Variants in DNM3 observed in about 807,000 individuals in gnomAD.
DNM3 encodes dynamin-3.
Under a neutral mutation model 101.6 loss-of-function variants are expected in DNM3, and 47 were observed. That is an observed-to-expected ratio of 0.46 (90% CI 0.37 to 0.59). DNM3 has a LOEUF of 0.59. DNM3 is among the 20% of genes least tolerant of loss of function. The pLI is 0.00. For synonymous variants in DNM3, 385 were observed against 387.9 expected (o/e 0.99, Z 0.09); for missense variants, 849 against 1,085.7 (o/e 0.78, Z 3.06).
intron 17 of DNM3, among the ~76,000 whole-genome samples, chr1:172,334,161 A>G (rs2066315645): frequency 6.6e-6 from 1 of 152,240 alleles, no homozygotes; most frequent in Non-Finnish European, 1.5e-5. Context: ...TAATGCAGTT[A>G]CTTCCCAACA....
rs564770819 is a variant in DNM3 at position 172,371,522 on chromosome 1, A to G, written c.1894-7496A>G. On this transcript the variant is annotated intron_variant, in intron 17 of 20. Coordinates refer to ENST00000627582, the MANE Select transcript of DNM3 (RefSeq NM_015569.5). ...TGGTTCACTTTTTTTGAGCACTACT[A>G]TATGTCTGACACTGTGGTAAGTGCC... is the stretch of plus-strand genomic sequence containing the variant. Among the ~76,000 whole-genome samples, 20 of 152,108 alleles carry G rather than the reference A, an allele frequency of 1.3e-4. No individual in the cohort carries two copies. In the East Asian group the frequency reaches 3.5e-3, roughly 27 times the overall value.
At chr1:171,940,760 C>T (rs2041758347) in intron 2 of DNM3, among the ~76,000 whole-genome samples, 1 of 152,112 alleles carries the variant, frequency 6.6e-6, no homozygotes, top group Non-Finnish European at 1.5e-5. Context: ...TTTTTCTTGA[C>T]ATGTATATGA....
chr1:172,247,655 T>TCTTA (rs1553207715), intron 14 of DNM3, among the ~76,000 whole-genome samples: 29,147 of 144,440 alleles, frequency 0.2, 3,201 homozygotes, highest in African/African-American at 0.26. Flanking sequence ...TATTATTATT[T>TCTTA]CTTATTTATT....
intron 14 of DNM3, among the ~76,000 whole-genome samples, chr1:172,191,597 T>C (rs1489393612): frequency 6.6e-6 from 1 of 152,208 alleles, no homozygotes; most frequent in Non-Finnish European, 1.5e-5. Flanking sequence ...ATCTATAAAT[T>C]ACCTTGGGCA....
chr1:172,295,287 G>T (rs147767033), intron 15 of DNM3, among the ~76,000 whole-genome samples: 1 of 152,122 alleles, frequency 6.6e-6, no homozygotes, highest in South Asian at 2.1e-4. Context: ...TTTACAACGG[G>T]GAAGTCCAGG....
chr1:172,127,224 G>A (rs1441889408), intron 13 of DNM3, among the ~76,000 whole-genome samples: 1 of 151,822 alleles, frequency 6.6e-6, no homozygotes, highest in East Asian at 1.9e-4. Flanking sequence ...TCCTCACGAA[G>A]GACTTACGTC....
At chr1:172,329,801 G>C (rs974017526) in intron 17 of DNM3, among the ~76,000 whole-genome samples, 1 of 152,054 alleles carries the variant, frequency 6.6e-6, no homozygotes, top group African/African-American at 2.4e-5. Flanking sequence ...TACCTACTAG[G>C]AAAAAAGGAA....
chr1:171,987,647 T>C lies in DNM3; in HGVS notation c.236-9T>C. 2 of 1,556,644 alleles carry C rather than the reference T, an allele frequency of 1.3e-6. No homozygotes were observed. Among genetic ancestry groups the C allele is most frequent in the Non-Finnish European group, 1.7e-6 (2 of 1,156,808 alleles). ...TTTAAGTTGTGTCATTTTGGTTTTATTTTTGTAGAATATGCCGAGTTTCTA... is the reference window on the plus strand; with the variant it reads ...TTTAAGTTGTGTCATTTTGGTTTTACTTTTGTAGAATATGCCGAGTTTCTA... On this transcript the variant is annotated splice_polypyrimidine_tract_variant and intron_variant, in intron 2 of 20. Transcript: ENST00000627582.
chr1:172,004,435 C>A (rs1197855423), intron 4 of DNM3, among the ~76,000 whole-genome samples: 1 of 151,966 alleles, frequency 6.6e-6, no homozygotes, highest in African/African-American at 2.4e-5. Context: ...ATACATCGTC[C>A]TCATGCACAT....
At chr1:172,237,897 G>A (rs1302451412) in intron 14 of DNM3, among the ~76,000 whole-genome samples, 1 of 152,138 alleles carries the variant, frequency 6.6e-6, no homozygotes, top group Non-Finnish European at 1.5e-5. Flanking sequence ...GTTCTTTGGA[G>A]ACTGGCGTTC....
intron 14 of DNM3, among the ~76,000 whole-genome samples, chr1:172,237,639 A>G (rs1027603669): frequency 1.3e-5 from 2 of 152,176 alleles, no homozygotes; most frequent in African/African-American, 4.8e-5. Context: ...GAATGGACAC[A>G]AATTGTTTTA....
chr1:171,956,341 T>C (rs942683998), intron 2 of DNM3, among the ~76,000 whole-genome samples: 2 of 152,150 alleles, frequency 1.3e-5, no homozygotes, highest in East Asian at 1.9e-4. Context: ...ATGGGAGAAA[T>C]TGACCAAAAC....
chr1:172,171,298 A>G (rs1288489096), intron 14 of DNM3, among the ~76,000 whole-genome samples: 1 of 151,802 alleles, frequency 6.6e-6, no homozygotes, highest in Admixed American at 6.6e-5. Context: ...ACATGTAACA[A>G]TAAAAATGCT....
chr1:172,149,521 A>C (rs544129390), intron 14 of DNM3, among the ~76,000 whole-genome samples: 1 of 152,300 alleles, frequency 6.6e-6, no homozygotes, highest in Non-Finnish European at 1.5e-5. Flanking sequence ...AAGTGAGAGC[A>C]TACTAGCAGT....
intron 1 of DNM3, among the ~76,000 whole-genome samples, chr1:171,872,326 A>G (rs12060715): frequency 0.023 from 3,472 of 152,062 alleles, 151 homozygotes; most frequent in African/African-American, 0.077. Context: ...CCCACCCCAA[A>G]ATAGTTTTTC....
chr1:172,071,086 C>CGTATATATAT (rs371650221), intron 11 of DNM3, among the ~76,000 whole-genome samples: 1 of 65,084 alleles, frequency 1.5e-5, no homozygotes. Flanking sequence ...CAAGACCCTG[C>CGTATATATAT]ATATATATAT....
At chr1:172,361,624 C>T (rs2149010484) in intron 17 of DNM3, among the ~76,000 whole-genome samples, 1 of 152,052 alleles carries the variant, frequency 6.6e-6, no homozygotes, top group Non-Finnish European at 1.5e-5. Flanking sequence ...TATCAATAGT[C>T]TTTAAAGCCA....
intron 13 of DNM3, among the ~76,000 whole-genome samples, chr1:172,093,471 T>C (rs2054047461): frequency 6.6e-6 from 1 of 152,216 alleles, no homozygotes; most frequent in Admixed American, 6.6e-5. Flanking sequence ...CTGTGTCTTT[T>C]ATGTTTTATG....
intron 14 of DNM3, among the ~76,000 whole-genome samples, chr1:172,136,375 C>A (rs1268472883): frequency 2.0e-5 from 3 of 152,118 alleles, no homozygotes; most frequent in African/African-American, 7.2e-5. Flanking sequence ...TTCACTTATA[C>A]TTTTAAGATT....
Sources: allele counts gnomAD v4.1 joint callset (sites outside exome capture counted in the v4.1 genomes callset), GRCh38; gene constraint gnomAD v4.1.1; transcripts MANE v1.5; gene names NCBI Gene and HGNC (gene_info 2026-07-23, HGNC 2026-07-21).